Variants in CDK14 observed in about 807,000 individuals in gnomAD.
The protein encoded by CDK14 is cyclin-dependent kinase 14.
A neutral mutation model predicts 60.7 loss-of-function variants in CDK14; 34 were observed. The observed-to-expected ratio is 0.56, with a 90% CI of 0.43 to 0.75. The LOEUF is 0.75. CDK14 is among the 30% of genes least tolerant of loss of function. The pLI, the probability that CDK14 is intolerant of heterozygous loss-of-function variation, is 0.00. For synonymous variants in CDK14, 197 were observed against 203.7 expected, an observed-to-expected ratio of 0.97 and a Z score of 0.28; for missense variants, 482 against 564.1, an observed-to-expected ratio of 0.85 and a Z score of 1.47.
In CDK14 at chr7:90,917,526, G is replaced by A. The variant is rs1254148887; in HGVS notation, c.703-75G>A. On this transcript the variant is annotated intron_variant, in intron 7 of 14. Transcript: ENST00000380050. ...CCATTTTCCCTAAATATTAATACAA[G>A]TACTTAGCAGACTGTATGTAGAAAC... The A allele has an allele frequency of 1.0e-5, 15 of 1,447,760 alleles. No individual in the cohort carries two copies. The Admixed American group carries it at 1.0e-4, about 10-fold the overall frequency. 89.7% of individuals were successfully genotyped at this position (1,447,760 alleles called of 1,614,324 possible).
At chr7:90,764,571 A>C (rs1264324971) in intron 4 of CDK14, among the ~76,000 whole-genome samples, 2 of 152,196 alleles carry the variant, frequency 1.3e-5, no homozygotes, top group Non-Finnish European at 2.9e-5. Context: ...GCATAGAGTA[A>C]TTCAGTGCAA....
At chr7:91,001,973 G>A (rs1795849171) in intron 10 of CDK14, among the ~76,000 whole-genome samples, 1 of 152,190 alleles carries the variant, frequency 6.6e-6, no homozygotes, top group Non-Finnish European at 1.5e-5. Flanking sequence ...AGTATGTCAA[G>A]TTTATTTAAG....
chr7:90,904,061 A>T (rs968616494), intron 7 of CDK14, among the ~76,000 whole-genome samples: 35 of 152,024 alleles, frequency 2.3e-4, no homozygotes, highest in African/African-American at 8.2e-4. Context: ...GCTGGCTTCC[A>T]TTGCTCCTCA....
rs117813820 is a variant in CDK14 at position 90,758,663 on chromosome 7, C to T, written c.464+10888C>T. Among the ~76,000 whole-genome samples the T allele has an allele frequency of 2.7e-3, 408 of 152,120 alleles. 1 individual carries two copies. The highest frequency in any genetic ancestry group is 5.2e-3 in the Non-Finnish European group (351 of 68,004). ...AGGTGACTCAGATGAGGATTCTGCC[C>T]TCGGGAAACTTAATCTTGAAGGGAG... On this transcript the variant is annotated intron_variant, in intron 4 of 14. Coordinates refer to ENST00000380050, the MANE Select transcript of CDK14 (RefSeq NM_001287135.2).
chr7:91,141,842 T>C (rs753372132), intron 14 of CDK14, among the ~76,000 whole-genome samples: 7 of 152,136 alleles, frequency 4.6e-5, no homozygotes, highest in Non-Finnish European at 7.4e-5. Flanking sequence ...GTTCTTTTTT[T>C]TGAGATGGAG....
chr7:90,619,724 G>A (rs528196595), intron 2 of CDK14, among the ~76,000 whole-genome samples: 2 of 152,294 alleles, frequency 1.3e-5, no homozygotes, highest in South Asian at 4.1e-4. Context: ...AACTGGGTGC[G>A]GTGGCTCACA....
intron 2 of CDK14, among the ~76,000 whole-genome samples, chr7:90,619,455 C>A (rs1799722424): frequency 6.6e-6 from 1 of 152,122 alleles, no homozygotes; most frequent in South Asian, 2.1e-4. Flanking sequence ...TCTCTTGATA[C>A]CTGCAACTTT....
chr7:91,016,552 C>A (rs1380927836), intron 10 of CDK14, among the ~76,000 whole-genome samples: 1 of 152,194 alleles, frequency 6.6e-6, no homozygotes, highest in Non-Finnish European at 1.5e-5. Flanking sequence ...ACTACCCCTC[C>A]TCAGCCCACC....
Position 90,732,651 on chromosome 7 carries a change from A to T in CDK14, c.369+5839A>T, listed in dbSNP as rs542075391. Among the ~76,000 whole-genome samples, 7 of 152,146 alleles carry T rather than the reference A, an allele frequency of 4.6e-5. No individual in the cohort carries two copies. In the East Asian group the frequency reaches 1.2e-3, roughly 25 times the overall value. ...ATAGAGGTATTTATAGTATTTTCTGATAGTAGTTTGTATTTCTGTGGGATT... is the reference window on the plus strand; with the variant it reads ...ATAGAGGTATTTATAGTATTTTCTGTTAGTAGTTTGTATTTCTGTGGGATT... On this transcript the variant is annotated intron_variant, in intron 3 of 14. Coordinates refer to ENST00000380050, the MANE Select transcript of CDK14 (RefSeq NM_001287135.2).
At chr7:91,161,540 A>T (rs2374412) in intron 14 of CDK14, among the ~76,000 whole-genome samples, 2,736 of 152,322 alleles carry the variant, frequency 0.018, 85 homozygotes, top group African/African-American at 0.06. Context: ...AGTTGTTTTC[A>T]TGATAGGCTA....
intron 2 of CDK14, among the ~76,000 whole-genome samples, chr7:90,624,943 TTCC>T (rs1799846095): frequency 6.6e-6 from 1 of 152,168 alleles, no homozygotes; most frequent in Admixed American, 6.5e-5. Context: ...ATGCCTCAGC[TTCC>T]TCATCTCGAA....
chr7:90,667,247 A>G (rs1024539120), intron 2 of CDK14, among the ~76,000 whole-genome samples: 2 of 152,216 alleles, frequency 1.3e-5, no homozygotes, highest in African/African-American at 2.4e-5. Context: ...AATTATAGCA[A>G]TTCCTTGGCT....
chr7:90,979,218 T>A (rs1795161170), intron 9 of CDK14, among the ~76,000 whole-genome samples: 1 of 152,206 alleles, frequency 6.6e-6, no homozygotes, highest in Non-Finnish European at 1.5e-5. Context: ...TTCGATATTT[T>A]TCAACCATTT....
intron 2 of CDK14, among the ~76,000 whole-genome samples, chr7:90,667,634 G>A (rs1240757458): frequency 6.6e-6 from 1 of 151,642 alleles, no homozygotes; most frequent in Non-Finnish European, 1.5e-5. Context: ...CAGTGGCGCG[G>A]TCTCTGCTCA....
chr7:90,783,884 C>T (rs914251095), intron 4 of CDK14, among the ~76,000 whole-genome samples: 5 of 152,008 alleles, frequency 3.3e-5, no homozygotes, highest in African/African-American at 1.2e-4. Context: ...CGTCAAAAAA[C>T]TAGAACTACC....
At chr7:91,200,939 T>C (rs1006318383) in intron 14 of CDK14, among the ~76,000 whole-genome samples, 4 of 152,228 alleles carry the variant, frequency 2.6e-5, no homozygotes, top group Admixed American at 1.3e-4. Flanking sequence ...GGTCCTGTTT[T>C]TCTCTTTCAT....
At chr7:91,062,549 C>A (rs1797836488) in intron 11 of CDK14, among the ~76,000 whole-genome samples, 1 of 152,054 alleles carries the variant, frequency 6.6e-6, no homozygotes, top group Admixed American at 6.6e-5. Context: ...CTCCACTCCC[C>A]CAGCATTTGA....
chr7:91,190,655 A>G (rs151061326), intron 14 of CDK14, among the ~76,000 whole-genome samples: 2,065 of 152,078 alleles, frequency 0.014, 33 homozygotes, highest in South Asian at 0.028. Context: ...ATGCCTGGCT[A>G]ATTTTTGTAT....
At position 90,790,585 on chromosome 7, in the gene CDK14, G is replaced by T; in HGVS notation, c.477G>T (p.Lys159Asn). ...VYKGKSKVNG[K>N]LVALKVIRLQ... Reference sequence around the variant, plus strand: ...TCATTTCTCACAGGGTAAATGGGAAGTTGGTAGCTCTGAAGGTGATCAGGC... The same window carrying T: ...TCATTTCTCACAGGGTAAATGGGAATTTGGTAGCTCTGAAGGTGATCAGGC... Residue 159 changes from lysine (K) to asparagine (N), a missense_variant, in exon 5 of 15, where the codon AAG (lysine) becomes AAT (asparagine). Coordinates refer to ENST00000380050, the MANE Select transcript of CDK14 (RefSeq NM_001287135.2). The T allele has an allele frequency of 3.7e-6, 6 of 1,611,668 alleles. No homozygotes were observed. The highest frequency in any genetic ancestry group is 5.1e-6 in the Non-Finnish European group (6 of 1,178,362).
Sources: gnomAD v4.1 joint callset for allele counts (sites outside exome capture counted in the v4.1 genomes callset) on GRCh38, gnomAD v4.1.1 for gene constraint, MANE v1.5 for transcripts, NCBI Gene and HGNC (gene_info 2026-07-23, HGNC 2026-07-21) for gene names.